The following ADAMTS7 variants were observed in gnomAD, a reference collection of about 807,000 sequenced individuals.
ADAMTS7 encodes A disintegrin and metalloproteinase with thrombospondin motifs 7.
Under a neutral mutation model 172.6 loss-of-function variants are expected in ADAMTS7, and 89 were observed. That is an observed-to-expected ratio of 0.52 (90% CI 0.43 to 0.61). The LOEUF (loss-of-function observed/expected upper bound fraction) is 0.61. Ranked by LOEUF, ADAMTS7 falls within the 20% of genes least tolerant of loss-of-function variation. The pLI is 0.00. For synonymous variants in ADAMTS7, 885 were observed against 978.4 expected (o/e 0.90, Z 1.78); for missense variants, 1,973 against 2,355.6 (o/e 0.84, Z 3.36).
chr15:78,763,913 G>C lies in ADAMTS7; in HGVS notation c.4593+13C>G. 2 of 1,554,394 alleles carry C rather than the reference G, an allele frequency of 1.3e-6. No homozygotes were observed. Among genetic ancestry groups the C allele is most frequent in the Non-Finnish European group, 1.7e-6 (2 of 1,150,912 alleles). ...GGGCGTCCCCTCCCCCCAACTCAAC[G>C]GCCAGGCCTCACCTCCCTCCAGGAA... On this transcript the variant is annotated intron_variant, in intron 21 of 23. Coordinates refer to ENST00000388820, the MANE Select transcript of ADAMTS7 (RefSeq NM_014272.5).
intron 10 of ADAMTS7, 21 bp downstream of exon 10, chr15:78,776,728 G>A (rs1244278093): frequency 2.3e-5 from 35 of 1,543,052 alleles, no homozygotes; most frequent in South Asian, 3.6e-5. Flanking sequence ...ACCCACTGCC[G>A]GGACTGGGGA....
At chr15:78,810,844 C>A (rs1350423178) in intron 1 of ADAMTS7, 2 of 309,770 alleles carry the variant, frequency 6.5e-6, no homozygotes, top group East Asian at 5.1e-5. Context: ...GGTGGGGAAA[C>A]CGGAGCCCGA....
intron 18 of ADAMTS7, 128 bp downstream of exon 18, chr15:78,767,251 C>T: frequency 1.6e-6 from 2 of 1,288,226 alleles, no homozygotes; most frequent in Non-Finnish European, 2.2e-6. Context: ...GCTTTAGAGT[C>T]AGGGGCTGGA....
At position 78,800,187 on chromosome 15, in the gene ADAMTS7, C is replaced by T. The variant is rs1193626334; in HGVS notation, c.456+5G>A. The T allele has an allele frequency of 2.5e-6, 4 of 1,592,138 alleles. No homozygotes were observed. The highest frequency in any genetic ancestry group is 2.5e-6 in the Non-Finnish European group (3 of 1,177,510). On this transcript the variant is annotated splice_donor_5th_base_variant and intron_variant, in intron 2 of 23. Transcript: ENST00000388820. ...CCCCAAGTATACATGTCCCAGCTCA[C>T]TCACCAGGCCGTCGCAGGCGCTGAT...
At chr15:78,788,471 C>T in intron 7 of ADAMTS7, 97 bp from the exon 8 acceptor site, 1 of 1,465,212 alleles carries the variant, frequency 6.8e-7, no homozygotes, top group Non-Finnish European at 9.2e-7. Flanking sequence ...TCCTAGTTCC[C>T]AGGGCTGGTT....
chr15:78,807,150 G>A (rs970874773), intron 1 of ADAMTS7, among the ~76,000 whole-genome samples: 12 of 152,322 alleles, frequency 7.9e-5, no homozygotes, highest in African/African-American at 2.6e-4. Context: ...ATGAGCTGAA[G>A]GTCAGGGGGG....
chr15:78,779,285 A>ATT (rs1440099704), intron 8 of ADAMTS7, among the ~76,000 whole-genome samples: 1 of 152,186 alleles, frequency 6.6e-6, no homozygotes, highest in African/African-American at 2.4e-5. Flanking sequence ...TGCTGGGGGC[A>ATT]TACCCTCTCA....
rs2055249356 is a variant in ADAMTS7, at chr15:78,771,544, C to T, written c.2376+41G>A. On this transcript the variant is annotated intron_variant, in intron 15 of 23. Transcript: ENST00000388820. This position sits in a 1 kb window ranked among gnomAD's most constrained non-coding sequence, Gnocchi z 4.9. ...ATGGAGGGTGCTGGGCCTGGGGACT[C>T]CGCCTCTGCTCCCCCCGCCTGGGCC... 1.3e-6 allele frequency: 2 copies of T among 1,563,282 alleles called. No individual in the cohort carries two copies. Among genetic ancestry groups the T allele is most frequent in the Non-Finnish European group, 1.7e-6 (2 of 1,159,642 alleles).
rs961825567 is a variant in ADAMTS7, at chr15:78,767,260, G to A, written c.2859+119C>T. On this transcript the variant is annotated intron_variant, in intron 18 of 23. Coordinates refer to ENST00000388820, the MANE Select transcript of ADAMTS7 (RefSeq NM_014272.5). ...CCTGAGGCTTTAGAGTCAGGGGCTG[G>A]ACCCTGGAATGCCCAGGTTCCCTCC... 1.1e-5 allele frequency: 15 copies of A among 1,338,674 alleles called. No homozygotes were observed. The African/African-American group carries it at 1.7e-4, about 15-fold the overall frequency. 82.9% of individuals were successfully genotyped at this position (1,338,674 alleles called of 1,614,324 possible).
intron 1 of ADAMTS7, among the ~76,000 whole-genome samples, chr15:78,808,514 G>A (rs774855214): frequency 6.6e-6 from 1 of 152,158 alleles, no homozygotes; most frequent in Non-Finnish European, 1.5e-5. Context: ...GGGATTACAA[G>A]CATGAGCCAC....
chr15:78,811,134 G>A lies in ADAMTS7; in HGVS notation c.87C>T (p.Pro29=), dbSNP rs952648331. The part of the protein sequence containing the change: ...LLLCALAPGA[P]GPAPGRATEG... The stretch of plus-strand genomic sequence containing the variant: ...GCGGACACCCACCTGGTGCGGGTCC[G>A]GGGGCGCCGGGAGCCAGAGCGCAGA... Residue 29 remains proline, a synonymous_variant, in exon 1 of 24, where the codon CCC becomes CCT. Coordinates refer to ENST00000388820, the MANE Select transcript of ADAMTS7 (RefSeq NM_014272.5). 1.1e-5 allele frequency: 14 copies of A among 1,229,088 alleles called. No homozygotes were observed. Among genetic ancestry groups the A allele is most frequent in the Non-Finnish European group, 1.0e-6 (1 of 986,174 alleles). The allele number at this position is 1,229,088 out of a possible 1,614,324, so 76.1% of individuals were successfully genotyped here. A position where few individuals can be genotyped will look rare whatever the true frequency, so the allele number is the denominator to read the frequency against.
rs1200718094 is a variant in ADAMTS7, at chr15:78,767,550, C to A, written c.2688G>T (p.Gly896=). 1 of 1,570,238 alleles carries A rather than the reference C, an allele frequency of 6.4e-7. No individual in the cohort carries two copies. The change falls in exon 18 of 24, where the codon GGG becomes GGT. Residue 896 remains glycine, a synonymous_variant. Transcript: ENST00000388820. ...GEWQLCSSSC[G]PGGLSRRAVL... The stretch of plus-strand genomic sequence containing the variant: ...CGGCCCGGCGGGAGAGGCCCCCAGG[C>A]CCGCAGGAGCTGGAGCACAGCTGCC...
intron 11 of ADAMTS7, among the ~76,000 whole-genome samples, chr15:78,775,415 G>A (rs533992282): frequency 1.3e-5 from 2 of 152,070 alleles, no homozygotes; most frequent in African/African-American, 2.4e-5. Flanking sequence ...TTGGGTAAGC[G>A]CAGGGCCCTG....
At chr15:78,784,717 A>AT (rs2055478326) in intron 8 of ADAMTS7, among the ~76,000 whole-genome samples, 2 of 152,124 alleles carry the variant, frequency 1.3e-5, no homozygotes, top group African/African-American at 4.8e-5. Context: ...AAGCTTCCAG[A>AT]TTTTTTAAAA....
chr15:78,804,602 G>A (rs763914198), intron 1 of ADAMTS7, among the ~76,000 whole-genome samples: 1 of 152,190 alleles, frequency 6.6e-6, no homozygotes, highest in East Asian at 1.9e-4. Flanking sequence ...GTCCTCTGCC[G>A]AACTGCACGT....
Position 78,771,432 on chromosome 15 carries a change from T to C in ADAMTS7, c.2377-129A>G, listed in dbSNP as rs3825813. 26 of 1,547,150 alleles carry C rather than the reference T, an allele frequency of 1.7e-5. No individual in the cohort carries two copies. Among genetic ancestry groups the C allele is most frequent in the South Asian group, 2.3e-5 (2 of 85,598 alleles). Reference sequence around the variant, plus strand: ...TGGGCCATTTTAAAGATGGGGAAACTGAGGTAGAGGCCGCAGCAGGAGGGC... The same window carrying C: ...TGGGCCATTTTAAAGATGGGGAAACCGAGGTAGAGGCCGCAGCAGGAGGGC... On this transcript the variant is annotated intron_variant, in intron 15 of 23. Coordinates refer to ENST00000388820, the MANE Select transcript of ADAMTS7 (RefSeq NM_014272.5). This position sits in a 1 kb window ranked among gnomAD's most constrained non-coding sequence, Gnocchi z 4.9.
intron 1 of ADAMTS7, among the ~76,000 whole-genome samples, chr15:78,801,052 G>C (rs557731979): frequency 3.9e-5 from 6 of 152,116 alleles, no homozygotes; most frequent in African/African-American, 1.4e-4. Flanking sequence ...GGATTGCTGC[G>C]GTAACTTCTT....
rs1250859662 is a variant in ADAMTS7 at position 78,759,781 on chromosome 15, C to T, written c.4904-203G>A. ...CACCTACTCATGGCCAACCCCAGGA[C>T]TCGAGAACGGGTGCTGCTGGGCTGA... On this transcript the variant is annotated intron_variant, in intron 23 of 23. Transcript: ENST00000388820. Among the ~76,000 whole-genome samples, 8 of 152,318 alleles carry T rather than the reference C, an allele frequency of 5.3e-5. No homozygotes were observed. In the South Asian group the frequency reaches 8.3e-4, roughly 16 times the overall value.
Position 78,800,273 on chromosome 15 carries a change from G to A in ADAMTS7, c.375C>T (p.Thr125=). The A allele has an allele frequency of 6.3e-7, 1 of 1,595,122 alleles. No homozygotes were observed. Among genetic ancestry groups the A allele is most frequent in the Non-Finnish European group, 8.5e-7 (1 of 1,177,426 alleles). The change falls in exon 2 of 24, where the codon ACC becomes ACT. Residue 125 remains threonine, a synonymous_variant. Coordinates refer to ENST00000388820, the MANE Select transcript of ADAMTS7 (RefSeq NM_014272.5). ...CCTCGCCAAGCAGGTGGCAGGCCGG[G>A]GTGTGGGCCCGGATGTGCGCGCGGC... ...GLGRAHIRAH[T]PACHLLGEVQ... is the part of the protein sequence containing the mutation.
Sources: gnomAD v4.1 joint callset for allele counts (sites outside exome capture counted in the v4.1 genomes callset) on GRCh38, gnomAD v4.1.1 for gene constraint, Gnocchi (gnomAD v3.1) non-coding constraint, MANE v1.5 for transcripts, NCBI Gene and HGNC (gene_info 2026-07-23, HGNC 2026-07-21) for gene names.